The following URGCP variants were observed in gnomAD, a reference collection of about 807,000 sequenced individuals.
URGCP encodes up-regulator of cell proliferation.
In URGCP, 13 loss-of-function variants were observed where a neutral mutation model predicts 24.6. The observed-to-expected ratio is 0.53, with a 90% CI of 0.34 to 0.84. The LOEUF (loss-of-function observed/expected upper bound fraction) is 0.84, where lower values mean the gene tolerates loss of function less well. Among genes scored for constraint, URGCP ranks in the 40% least tolerant of loss-of-function variants. URGCP has a pLI of 0.01. For synonymous variants in URGCP, 444 were observed against 487.2 expected, an observed-to-expected ratio of 0.91 and a Z score of 1.17; for missense variants, 899 against 1,194.3, an observed-to-expected ratio of 0.75 and a Z score of 3.64.
At chr7:43,918,417 C>T (rs1025033708) in intron 1 of URGCP, among the ~76,000 whole-genome samples, 2 of 151,890 alleles carry the variant, frequency 1.3e-5, no homozygotes, top group Non-Finnish European at 1.5e-5. Flanking sequence ...CTGCAACCTC[C>T]GCCTCCTGGG....
intron 3 of URGCP, among the ~76,000 whole-genome samples, chr7:43,885,910 G>A (rs1054585954): frequency 6.6e-6 from 1 of 152,192 alleles, no homozygotes; most frequent in Non-Finnish European, 1.5e-5. Context: ...AGTGGCTACT[G>A]TGTTGAATAG....
In URGCP at chr7:43,877,896, T is replaced by C. The variant is rs2095847693; in HGVS notation, c.1567A>G (p.Lys523Glu). The stretch of plus-strand genomic sequence containing the variant: ...CGCCGCCTCAGCTCAGCCCTGTGCT[T>C]CTCAGGGGGGTCCACGGCCCACTGG... ...QLQWAVDPPE[K>E]HRAELRRRLL... Residue 523 changes from lysine to glutamate, a missense_variant, in exon 6 of 6, where the codon AAG (lysine) becomes GAG (glutamate). Transcript: ENST00000453200. 6 of 1,613,962 alleles carry C rather than the reference T, an allele frequency of 3.7e-6. No homozygotes were observed. The highest frequency in any genetic ancestry group is 4.2e-6 in the Non-Finnish European group (5 of 1,179,982).
At chr7:43,881,829 T>C in intron 4 of URGCP, 78 bp downstream of exon 4, 2 of 1,605,878 alleles carry the variant, frequency 1.2e-6, no homozygotes, top group Non-Finnish European at 1.7e-6. Flanking sequence ...GTTCTAAATA[T>C]AAAATCCCGG....
At chr7:43,881,139 G>A in intron 5 of URGCP, 1 of 697,514 alleles carries the variant, frequency 1.4e-6, no homozygotes, top group South Asian at 1.5e-5. Flanking sequence ...TGTTTTTCTT[G>A]TCCAGACATG....
intron 1 of URGCP, among the ~76,000 whole-genome samples, chr7:43,914,502 CA>C (rs1164893966): frequency 1.3e-5 from 2 of 151,802 alleles, no homozygotes; most frequent in African/African-American, 4.8e-5. Context: ...GAGAGTGTCT[CA>C]AAAAAATAAA....
intron 1 of URGCP, 194 bp from the exon 2 acceptor site, chr7:43,888,010 T>C (rs199726145): frequency 7.5e-5 from 42 of 561,048 alleles, no homozygotes; most frequent in Non-Finnish European, 1.1e-4. Context: ...AAAGCTGTTA[T>C]ATTAATTAGT....
rs1183997719 is a variant in URGCP, at chr7:43,887,372, T to C, written c.112+43A>G. On this transcript the variant is annotated intron_variant, in intron 3 of 5. Coordinates refer to ENST00000453200, the MANE Select transcript of URGCP (RefSeq NM_001077663.3). ...AATCCCAAGGGGACAGGAGAAGTACTTCAGCTCCAGAGTGGGCCCACATCC... is the reference window on the plus strand; with the variant it reads ...AATCCCAAGGGGACAGGAGAAGTACCTCAGCTCCAGAGTGGGCCCACATCC... The C allele has an allele frequency of 2.5e-6, 4 of 1,609,728 alleles. No individual in the cohort carries two copies. The African/African-American group carries it at 4.0e-5, about 16-fold the overall frequency.
chr7:43,916,923 A>T (rs1339752934), intron 1 of URGCP, among the ~76,000 whole-genome samples: 1 of 152,078 alleles, frequency 6.6e-6, no homozygotes, highest in East Asian at 1.9e-4. Flanking sequence ...ACATCTTTCA[A>T]ATGCATCCTG....
chr7:43,893,248 G>C, intron 1 of URGCP, among the ~76,000 whole-genome samples: 1 of 151,640 alleles, frequency 6.6e-6, no homozygotes, highest in South Asian at 2.1e-4. Context: ...AGGATCACCT[G>C]AGCCCTGGAA....
At chr7:43,900,166 A>T (rs918436801) in intron 1 of URGCP, among the ~76,000 whole-genome samples, 2 of 151,704 alleles carry the variant, frequency 1.3e-5, no homozygotes, top group Non-Finnish European at 2.9e-5. Context: ...AAGAAAAAAA[A>T]AAGTCAGCCG....
chr7:43,892,907 G>C (rs1728816114), intron 1 of URGCP, among the ~76,000 whole-genome samples: 1 of 152,148 alleles, frequency 6.6e-6, no homozygotes, highest in South Asian at 2.1e-4. Flanking sequence ...CGGCCTACAA[G>C]AAGTGCTTAG....
At chr7:43,905,015 T>C (rs570504906) in intron 1 of URGCP, among the ~76,000 whole-genome samples, 13 of 152,148 alleles carry the variant, frequency 8.5e-5, no homozygotes, top group Non-Finnish European at 1.8e-4. Context: ...CAGAAAATTA[T>C]AGATTACAAA....
chr7:43,916,706 T>TCC (rs2095915830), intron 1 of URGCP, among the ~76,000 whole-genome samples: 24 of 29,814 alleles, frequency 8.0e-4, no homozygotes, highest in South Asian at 2.1e-3. Context: ...TCCCACTCCC[T>TCC]ACCCACCCCC....
At chr7:43,888,119 G>T (rs2095864778) in intron 1 of URGCP, 1 of 253,254 alleles carries the variant, frequency 3.9e-6, no homozygotes, top group Non-Finnish European at 7.5e-6. Context: ...AACTCTAGAA[G>T]GATGTTCATC....
At chr7:43,881,721 G>T in intron 4 of URGCP, 24 bp from the exon 5 acceptor site, 1 of 1,614,072 alleles carries the variant, frequency 6.2e-7, no homozygotes, top group Non-Finnish European at 8.5e-7. Flanking sequence ...AATGGAAAAT[G>T]AAGTGTCAAT....
At chr7:43,911,995 A>C (rs972105543) in intron 1 of URGCP, among the ~76,000 whole-genome samples, 7 of 152,152 alleles carry the variant, frequency 4.6e-5, no homozygotes, top group Non-Finnish European at 1.0e-4. Flanking sequence ...AAACACAGGA[A>C]ATTAGAAAAT....
chr7:43,876,392 G>A lies in URGCP; in HGVS notation c.*275C>T, dbSNP rs969256673. 3.1e-5 allele frequency: 14 copies of A among 456,118 alleles called. No homozygotes were observed. The highest frequency in any genetic ancestry group is 5.5e-5 in the Non-Finnish European group (14 of 252,620). The allele number at this position is 456,118 out of a possible 1,614,324, so 28.3% of individuals were successfully genotyped here. A position where few individuals can be genotyped will look rare whatever the true frequency, so the allele number is the denominator to read the frequency against. ...AGCTATACAGAGGGCCCACCCCGCA[G>A]GATCCTTGACAGGAGCTGAGACAGA... is the stretch of plus-strand genomic sequence containing the variant. On this transcript the variant is annotated 3_prime_UTR_variant, in exon 6 of 6. Coordinates refer to ENST00000453200, the MANE Select transcript of URGCP (RefSeq NM_001077663.3).
intron 3 of URGCP, among the ~76,000 whole-genome samples, chr7:43,885,842 C>T (rs776708999): frequency 2.6e-5 from 4 of 152,232 alleles, no homozygotes; most frequent in African/African-American, 4.8e-5. Flanking sequence ...TGAGCAAATA[C>T]AGCTAGAGTA....
chr7:43,882,048 C>CA, intron 3 of URGCP, 91 bp from the exon 4 acceptor site: 1 of 1,589,154 alleles, frequency 6.3e-7, no homozygotes, highest in South Asian at 1.1e-5. Context: ...CCTGTAACCC[C>CA]AGCACTTTAG....
Sources: allele counts gnomAD v4.1 joint callset (sites outside exome capture counted in the v4.1 genomes callset), GRCh38; gene constraint gnomAD v4.1.1; transcripts MANE v1.5; gene names NCBI Gene and HGNC (gene_info 2026-07-23, HGNC 2026-07-21).